Variants in PRKCE observed in about 807,000 individuals in gnomAD.
PRKCE encodes protein kinase C epsilon type.
A neutral mutation model predicts 85.4 loss-of-function variants in PRKCE; 16 were observed. That is an observed-to-expected ratio of 0.19 (90% CI 0.13 to 0.28). The LOEUF (loss-of-function observed/expected upper bound fraction) is 0.28. PRKCE is among the 10% of genes least tolerant of loss of function. PRKCE has a pLI of 1.00. For missense variants in PRKCE, 573 were observed against 975.2 expected, an observed-to-expected ratio of 0.59 and a Z score of 5.49; for synonymous variants, 388 against 371.5, an observed-to-expected ratio of 1.04 and a Z score of -0.51.
chr2:46,131,364 C>G (rs774899415), intron 11 of PRKCE, among the ~76,000 whole-genome samples: 1 of 152,186 alleles, frequency 6.6e-6, no homozygotes, highest in Admixed American at 6.5e-5. Context: ...TCTGATACAT[C>G]TCTGCAAGTT....
intron 9 of PRKCE, among the ~76,000 whole-genome samples, chr2:46,008,513 T>A (rs1040726067): frequency 6.6e-6 from 1 of 152,140 alleles, no homozygotes; most frequent in African/African-American, 2.4e-5. Context: ...TGAGAAGTTC[T>A]GGGAGGTCCT....
At chr2:45,857,901 G>A (rs139444475) in intron 2 of PRKCE, among the ~76,000 whole-genome samples, 1 of 152,318 alleles carries the variant, frequency 6.6e-6, no homozygotes, top group African/African-American at 2.4e-5. Context: ...TTAAGGAATG[G>A]CCGTTGTAAA....
At chr2:46,100,571 C>T (rs1671107663) in intron 11 of PRKCE, among the ~76,000 whole-genome samples, 1 of 152,214 alleles carries the variant, frequency 6.6e-6, no homozygotes, top group Non-Finnish European at 1.5e-5. Flanking sequence ...AGTGGGGCAT[C>T]TCTCATGAAG....
At chr2:46,081,987 C>G (rs571776897) in intron 10 of PRKCE, among the ~76,000 whole-genome samples, 3 of 152,050 alleles carry the variant, frequency 2.0e-5, no homozygotes, top group African/African-American at 7.2e-5. Flanking sequence ...CCCAGCTACT[C>G]GGGAGGCTGA....
At chr2:45,718,789 A>G (rs1248701154) in intron 1 of PRKCE, among the ~76,000 whole-genome samples, 1 of 152,226 alleles carries the variant, frequency 6.6e-6, no homozygotes, top group Admixed American at 6.5e-5. Context: ...CTGGAACCAG[A>G]GTCACAAAAA....
At chr2:46,092,570 G>A (rs1417980769) in intron 11 of PRKCE, among the ~76,000 whole-genome samples, 1 of 152,156 alleles carries the variant, frequency 6.6e-6, no homozygotes, top group African/African-American at 2.4e-5. Flanking sequence ...CAAGAGCAAG[G>A]AACAAAAATC....
At chr2:45,920,097 A>G (rs1254691127) in intron 2 of PRKCE, among the ~76,000 whole-genome samples, 3 of 152,232 alleles carry the variant, frequency 2.0e-5, no homozygotes, top group Non-Finnish European at 4.4e-5. Flanking sequence ...CTAGATCTCC[A>G]GAACTAGTAG....
At chr2:45,902,005 C>A (rs745819371) in intron 2 of PRKCE, among the ~76,000 whole-genome samples, 5 of 152,174 alleles carry the variant, frequency 3.3e-5, no homozygotes, top group African/African-American at 4.8e-5. Context: ...GAACTGAAAT[C>A]ATCTGAATTT....
intron 14 of PRKCE, among the ~76,000 whole-genome samples, chr2:46,182,557 T>C (rs902865656): frequency 6.6e-6 from 1 of 152,122 alleles, no homozygotes; most frequent in African/African-American, 2.4e-5. Flanking sequence ...GTTTTCTGTG[T>C]GTCCCCCCCT....
rs1696871184 is a variant in PRKCE, at chr2:45,905,030, G to T, written c.412+61967G>T. 6.6e-6 allele frequency among the ~76,000 whole-genome samples: 1 copy of T among 152,206 alleles called. No individual in the cohort carries two copies. On this transcript the variant is annotated intron_variant, in intron 2 of 14. Coordinates refer to ENST00000306156, the MANE Select transcript of PRKCE (RefSeq NM_005400.3). This position sits in a 1 kb window ranked among gnomAD's most constrained non-coding sequence, Gnocchi z 4.4. ...CAGGGGCTCCACATCACTTCAGCAG[G>T]CACGGTGACACACAGGACTCACTGG...
chr2:45,915,912 C>T (rs545617427), intron 2 of PRKCE, among the ~76,000 whole-genome samples: 1 of 152,254 alleles, frequency 6.6e-6, no homozygotes, highest in South Asian at 2.1e-4. Context: ...AGAGAGAAAT[C>T]GGGGTATCTC....
intron 2 of PRKCE, among the ~76,000 whole-genome samples, chr2:45,843,367 C>T (rs927792683): frequency 2.2e-4 from 33 of 152,030 alleles, no homozygotes; most frequent in African/African-American, 7.0e-4. Flanking sequence ...AGGAGGCTTG[C>T]GTGGGGTTTG....
chr2:46,084,566 A>AC (rs1274808386), intron 10 of PRKCE, among the ~76,000 whole-genome samples: 1 of 151,956 alleles, frequency 6.6e-6, no homozygotes, highest in African/African-American at 2.4e-5. Flanking sequence ...TACTAAAAAT[A>AC]AAAAAATTAA....
chr2:46,100,856 T>TTTCTCTTCTCTTCTC (rs146774630), intron 11 of PRKCE, among the ~76,000 whole-genome samples: 22 of 151,382 alleles, frequency 1.5e-4, no homozygotes, highest in African/African-American at 4.6e-4. Flanking sequence ...CCTTTTCTTT[T>TTTCTCTTCTCTTCTC]TTCTCTTCTC....
chr2:45,730,945 A>G (rs1478553848), intron 1 of PRKCE, among the ~76,000 whole-genome samples: 1 of 152,220 alleles, frequency 6.6e-6, no homozygotes, highest in Non-Finnish European at 1.5e-5. Context: ...GAGCAATGAT[A>G]TTCCTGGATT....
chr2:45,679,933 G>T (rs575699071), intron 1 of PRKCE, among the ~76,000 whole-genome samples: 4 of 152,326 alleles, frequency 2.6e-5, no homozygotes, highest in Non-Finnish European at 4.4e-5. Flanking sequence ...TCTAAACCTA[G>T]GCTCTGCCCT....
Position 46,159,736 on chromosome 2 carries a change from C to A in PRKCE, c.2051C>A (p.Pro684His). The A allele has an allele frequency of 6.3e-7, 1 of 1,599,042 alleles. No individual in the cohort carries two copies. The highest frequency in any genetic ancestry group is 1.1e-5 in the South Asian group (1 of 90,868). Residue 684 changes from proline (P) to histidine (H), a missense_variant, in exon 14 of 15, where the codon CCC becomes CAC. Physicochemically the swap from Pro to His is moderately conservative, Grantham distance 77. Transcript: ENST00000306156. This position sits in a 1 kb window ranked among gnomAD's most constrained non-coding sequence, Gnocchi z 4.1. Reference protein sequence around the residue: ...VLLEQKKIKPPFKPRIKTKRD... With the variant: ...VLLEQKKIKPHFKPRIKTKRD... ...CTGGAGCAGAAGAAGATCAAGCCAC[C>A]CTTCAAACCACGCATTGTAAGTTGG...
rs1273000791 is a variant in PRKCE at position 46,070,195 on chromosome 2, T to G, written c.1438-16013T>G. ...AGGGTCCTTTGGTCACAGGGAGAAC[T>G]GTTGTGTTCCTTCACGAGGTAGCAG... On this transcript the variant is annotated intron_variant, in intron 10 of 14. Coordinates refer to ENST00000306156, the MANE Select transcript of PRKCE (RefSeq NM_005400.3). Among the ~76,000 whole-genome samples, 3 of 152,326 alleles carry G rather than the reference T, an allele frequency of 2.0e-5. No individual in the cohort carries two copies. The East Asian group carries it at 5.8e-4, about 29-fold the overall frequency.
chr2:46,007,047 C>T (rs904745605), intron 8 of PRKCE, among the ~76,000 whole-genome samples: 2 of 152,186 alleles, frequency 1.3e-5, no homozygotes, highest in African/African-American at 4.8e-5. Context: ...ACTGTGATGA[C>T]AGTTCTTGAT....
Sources: allele counts gnomAD v4.1 joint callset (sites outside exome capture counted in the v4.1 genomes callset), GRCh38; gene constraint gnomAD v4.1.1; non-coding constraint Gnocchi (gnomAD v3.1); transcripts MANE v1.5; gene names NCBI Gene and HGNC (gene_info 2026-07-23, HGNC 2026-07-21).